ST3GAL3: variants seen among roughly 807,000 people sequenced by gnomAD.
ST3GAL3 encodes ST3 beta-galactoside alpha-2,3-sialyltransferase 3, also known as CMP-N-acetylneuraminate-beta-1,4-galactoside alpha-2,3-sialyltransferase.
In ST3GAL3, 21 loss-of-function variants were observed where a neutral mutation model predicts 50.1. That is an observed-to-expected ratio of 0.42 (90% CI 0.30 to 0.60). The LOEUF (loss-of-function observed/expected upper bound fraction) is 0.60. Ranked by LOEUF, ST3GAL3 falls within the 20% of genes least tolerant of loss-of-function variation. The pLI is 0.19. For synonymous variants in ST3GAL3, 183 were observed against 190.0 expected (o/e 0.96, Z 0.30); for missense variants, 353 against 489.4 (o/e 0.72, Z 2.63).
intron 2 of ST3GAL3, among the ~76,000 whole-genome samples, chr1:43,766,145 A>T (rs532181309): frequency 6.6e-6 from 1 of 152,218 alleles, no homozygotes; most frequent in African/African-American, 2.4e-5. Flanking sequence ...CCGGATTCAC[A>T]TGAATACCAC....
chr1:43,841,519 T>TTTTGA (rs1157118725), intron 5 of ST3GAL3: 3 of 152,334 alleles, frequency 2.0e-5, no homozygotes, highest in Admixed American at 2.0e-4. Flanking sequence ...AGCTGTACCT[T>TTTTGA]GCCCTTTTTG....
At chr1:43,862,096 G>A (rs1215097331) in intron 5 of ST3GAL3, among the ~76,000 whole-genome samples, 1 of 152,122 alleles carries the variant, frequency 6.6e-6, no homozygotes, top group Non-Finnish European at 1.5e-5. Flanking sequence ...ACGTTGTCTG[G>A]CATCAAGCAC....
At chr1:43,783,798 C>A (rs139157072) in intron 2 of ST3GAL3, among the ~76,000 whole-genome samples, 1 of 152,132 alleles carries the variant, frequency 6.6e-6, no homozygotes, top group East Asian at 1.9e-4. Flanking sequence ...TCCCAGACTT[C>A]CTGATGTCCC....
chr1:43,773,261 C>G (rs1258080053), intron 2 of ST3GAL3, among the ~76,000 whole-genome samples: 1 of 152,130 alleles, frequency 6.6e-6, no homozygotes, highest in African/African-American at 2.4e-5. Flanking sequence ...TGATTGACAT[C>G]CTACCTGTGA....
intron 3 of ST3GAL3, among the ~76,000 whole-genome samples, chr1:43,792,596 A>G (rs1222538678): frequency 6.6e-6 from 1 of 152,142 alleles, no homozygotes; most frequent in East Asian, 1.9e-4. Flanking sequence ...TTACATGCAC[A>G]CCCCATATAT....
At chr1:43,873,408 C>T (rs1229898369) in intron 5 of ST3GAL3, among the ~76,000 whole-genome samples, 1 of 152,148 alleles carries the variant, frequency 6.6e-6, no homozygotes, top group Non-Finnish European at 1.5e-5. Flanking sequence ...GCAAGAAGAG[C>T]AGGTTTTAGG....
At chr1:43,851,299 AC>A in intron 5 of ST3GAL3, 1 of 1,557,672 alleles carries the variant, frequency 6.4e-7, no homozygotes, top group Admixed American at 1.7e-5. Context: ...GGGTCAGGTG[AC>A]CCCCATCTGG....
At chr1:43,777,279 C>A (rs1697636575) in intron 2 of ST3GAL3, among the ~76,000 whole-genome samples, 1 of 152,062 alleles carries the variant, frequency 6.6e-6, no homozygotes, top group Non-Finnish European at 1.5e-5. Flanking sequence ...ATTCAGATAA[C>A]CCCAATTATT....
At chr1:43,917,642 AAT>A (rs1159115824) in intron 9 of ST3GAL3, among the ~76,000 whole-genome samples, 2 of 73,486 alleles carry the variant, frequency 2.7e-5, no homozygotes, top group South Asian at 6.1e-4. Context: ...TATATAATAT[AAT>A]ATATAATATA....
At chr1:43,920,287 T>TC in intron 9 of ST3GAL3, 117 bp from the exon 10 acceptor site, 1 of 1,263,462 alleles carries the variant, frequency 7.9e-7, no homozygotes, top group Non-Finnish European at 1.1e-6. Context: ...GGCCCTGGGT[T>TC]CCCCATTAAA....
intron 4 of ST3GAL3, among the ~76,000 whole-genome samples, chr1:43,815,910 G>GATGT (rs2061177929): frequency 6.6e-6 from 1 of 151,862 alleles, no homozygotes; most frequent in Admixed American, 6.6e-5. Flanking sequence ...TGGATGGATG[G>GATGT]ATGGATGGAT....
At chr1:43,786,142 C>T (rs2057310336) in intron 2 of ST3GAL3, among the ~76,000 whole-genome samples, 1 of 152,128 alleles carries the variant, frequency 6.6e-6, no homozygotes, top group African/African-American at 2.4e-5. Flanking sequence ...TCTTCAGTCT[C>T]TCTCCCCTAA....
At chr1:43,802,371 G>T (rs953186828) in intron 3 of ST3GAL3, among the ~76,000 whole-genome samples, 3 of 152,142 alleles carry the variant, frequency 2.0e-5, no homozygotes, top group Non-Finnish European at 2.9e-5. Context: ...AAATTGTAAG[G>T]TTGAAATTTC....
intron 5 of ST3GAL3, among the ~76,000 whole-genome samples, chr1:43,843,124 T>C (rs549348845): frequency 6.6e-6 from 1 of 152,356 alleles, no homozygotes; most frequent in South Asian, 2.1e-4. Flanking sequence ...CAGTATTAAA[T>C]AGGTGAGGTG....
chr1:43,781,003 C>A (rs1418333472), intron 2 of ST3GAL3, among the ~76,000 whole-genome samples: 1 of 152,168 alleles, frequency 6.6e-6, no homozygotes, highest in Non-Finnish European at 1.5e-5. Flanking sequence ...TCTAGTGGTA[C>A]CTGATGCTGC....
rs1301949575 is a variant in ST3GAL3 at position 43,911,666 on chromosome 1, T to TCTATAGATATATCTGTAG, written c.745-8727_745-8726insTCTGTAGCTATAGATATA. 1.8e-3 allele frequency among the ~76,000 whole-genome samples: 267 copies of TCTATAGATATATCTGTAG among 147,066 alleles called. 9 individuals are homozygous for TCTATAGATATATCTGTAG. Among genetic ancestry groups the TCTATAGATATATCTGTAG allele is most frequent in the African/African-American group, 6.9e-3 (255 of 37,108 alleles). ...ATAGATATATCTGTAGCTATAGATA[T>TCTATAGATATATCTGTAG]CTATAGATATAGATATAGATATGGA... On this transcript the variant is annotated intron_variant, in intron 9 of 11. Transcript: ENST00000347631.
chr1:43,883,743 G>T (rs1421649669), intron 5 of ST3GAL3, among the ~76,000 whole-genome samples: 1 of 152,168 alleles, frequency 6.6e-6, no homozygotes, highest in African/African-American at 2.4e-5. Flanking sequence ...GTTGATGGGG[G>T]CTACTTCCCT....
intron 2 of ST3GAL3, among the ~76,000 whole-genome samples, chr1:43,740,589 G>A (rs1420495335): frequency 6.6e-6 from 1 of 152,044 alleles, no homozygotes; most frequent in Non-Finnish European, 1.5e-5. Context: ...GGAATTATTT[G>A]AGGCCAGGAG....
intron 9 of ST3GAL3, among the ~76,000 whole-genome samples, chr1:43,915,666 C>A (rs2154290497): frequency 6.6e-6 from 1 of 152,284 alleles, no homozygotes; most frequent in Admixed American, 6.5e-5. Context: ...AGACAAGGAG[C>A]AGCATCAGCA....
Sources: allele counts gnomAD v4.1 joint callset (sites outside exome capture counted in the v4.1 genomes callset), GRCh38; gene constraint gnomAD v4.1.1; transcripts MANE v1.5; gene names NCBI Gene and HGNC (gene_info 2026-07-23, HGNC 2026-07-21).